Variants in PCDHGA1 observed in about 807,000 individuals in gnomAD.
PCDHGA1 encodes the protein protocadherin gamma subfamily A, 1.
In PCDHGA1, 32 loss-of-function variants were observed where a neutral mutation model predicts 58.0. That is an observed-to-expected ratio of 0.55 (90% CI 0.42 to 0.74). The LOEUF is 0.74. PCDHGA1 is among the 30% of genes least tolerant of loss of function. PCDHGA1 has a pLI of 0.00. For synonymous variants in PCDHGA1, 498 were observed against 501.1 expected, an observed-to-expected ratio of 0.99 and a Z score of 0.08; for missense variants, 1,205 against 1,182.3, an observed-to-expected ratio of 1.02 and a Z score of -0.28.
chr5:141,493,204 C>T lies in PCDHGA1; in HGVS notation c.2422-1603C>T, dbSNP rs2099746929. Among the ~76,000 whole-genome samples, 1 of 152,216 alleles carries T rather than the reference C, an allele frequency of 6.6e-6. No individual in the cohort carries two copies. Among genetic ancestry groups the T allele is most frequent in the Non-Finnish European group, 1.5e-5 (1 of 68,042 alleles). Reference sequence around the variant, plus strand: ...TATATAACTCCTTTGAGAACCTCATCTCATTTGCTCTTCCCACCATTGCTG... The same window carrying T: ...TATATAACTCCTTTGAGAACCTCATTTCATTTGCTCTTCCCACCATTGCTG... On this transcript the variant is annotated intron_variant, in intron 1 of 3. Transcript: ENST00000517417. This position sits in a 1 kb window ranked among gnomAD's most constrained non-coding sequence, Gnocchi z 4.3.
Position 141,331,136 on chromosome 5 carries a change from G to C in PCDHGA1, c.452G>C (p.Arg151Thr). The C allele has an allele frequency of 6.2e-7, 1 of 1,614,152 alleles. No homozygotes were observed. ...AATGAAATAACGACTCCAGGTACCAGAGTCTCATTGCCTTTTGGGCAAGAC... is the reference window on the plus strand; with the variant it reads ...AATGAAATAACGACTCCAGGTACCACAGTCTCATTGCCTTTTGGGCAAGAC... Reference protein sequence around the residue: ...KMNEITTPGTRVSLPFGQDLD... With the variant: ...KMNEITTPGTTVSLPFGQDLD... Residue 151 changes from arginine (R) to threonine (T), a missense_variant, in exon 1 of 4, where the codon AGA becomes ACA. Arg to Thr is a moderately conservative substitution (Grantham distance 71, BLOSUM62 -1). Coordinates refer to ENST00000517417, the MANE Select transcript of PCDHGA1 (RefSeq NM_018912.3).
intron 1 of PCDHGA1, among the ~76,000 whole-genome samples, chr5:141,474,432 C>T (rs1050895539): frequency 6.6e-6 from 1 of 152,214 alleles, no homozygotes; most frequent in Non-Finnish European, 1.5e-5. Context: ...GGTCCTCACA[C>T]TTTGAGTAGC....
chr5:141,444,093 G>A (rs531514787), intron 1 of PCDHGA1, among the ~76,000 whole-genome samples: 1 of 147,730 alleles, frequency 6.8e-6, no homozygotes, highest in East Asian at 2.0e-4. Flanking sequence ...GTCTGCTAAG[G>A]ATTGGAAACC....
Position 141,346,081 on chromosome 5 carries a change from A to T in PCDHGA1, c.2421+12976A>T, listed in dbSNP as rs200571439. 3,022 of 1,613,430 alleles carry T rather than the reference A, an allele frequency of 1.9e-3. 45 individuals are homozygous for T. In the African/African-American group the frequency reaches 0.031, roughly 17 times the overall value. Reference sequence around the variant, plus strand: ...CTGGGCAGCCTCGAGCCCTCCGCCAAACCCAACGATTCGGACCTCACTCTG... The same window carrying T: ...CTGGGCAGCCTCGAGCCCTCCGCCATACCCAACGATTCGGACCTCACTCTG... On this transcript the variant is annotated intron_variant, in intron 1 of 3. Coordinates refer to ENST00000517417, the MANE Select transcript of PCDHGA1 (RefSeq NM_018912.3).
At chr5:141,403,276 C>G in intron 1 of PCDHGA1, 7 of 1,613,844 alleles carry the variant, frequency 4.3e-6, no homozygotes, top group Non-Finnish European at 5.1e-6. Context: ...ACTTTAAAGT[C>G]CTGGTTGAAG....
At chr5:141,387,714 A>G in intron 1 of PCDHGA1, 1 of 1,059,158 alleles carries the variant, frequency 9.4e-7, no homozygotes, top group East Asian at 2.6e-5. Context: ...GCCCCAGCTC[A>G]GACTCCCCAG....
chr5:141,438,623 TATATATATATATACAC>T (rs1207200307), intron 1 of PCDHGA1, among the ~76,000 whole-genome samples: 21 of 42,842 alleles, frequency 4.9e-4, no homozygotes, highest in South Asian at 2.6e-3. Flanking sequence ...TATATATATA[TATATATATATATACAC>T]ACACACACAC....
intron 1 of PCDHGA1, chr5:141,375,049 G>C (rs1176998287): frequency 1.2e-6 from 2 of 1,614,010 alleles, no homozygotes; most frequent in Non-Finnish European, 1.7e-6. Context: ...TTGAAGCCCG[G>C]GATGGGCCAG....
chr5:141,478,418 C>T, intron 1 of PCDHGA1: 1 of 1,613,650 alleles, frequency 6.2e-7, no homozygotes, highest in Non-Finnish European at 8.5e-7. Context: ...GGACTCCCGC[C>T]GCAGCGACCC....
chr5:141,431,603 C>T lies in PCDHGA1; in HGVS notation c.2422-63204C>T, dbSNP rs746243366. On this transcript the variant is annotated intron_variant, in intron 1 of 3. Coordinates refer to ENST00000517417, the MANE Select transcript of PCDHGA1 (RefSeq NM_018912.3). This position sits in a 1 kb window ranked among gnomAD's most constrained non-coding sequence, Gnocchi z 4.8. ...CAATGCGGAAGTGAGGTATTCCTTC[C>T]GGTATGTGGACGACAAGGCGGCCCA... is the stretch of plus-strand genomic sequence containing the variant. 1.1e-5 allele frequency: 17 copies of T among 1,614,212 alleles called. No individual in the cohort carries two copies. Among genetic ancestry groups the T allele is most frequent in the Non-Finnish European group, 1.4e-5 (16 of 1,180,044 alleles).
chr5:141,411,743 G>A (rs2095510866), intron 1 of PCDHGA1: 2 of 152,860 alleles, frequency 1.3e-5, no homozygotes, highest in Non-Finnish European at 2.9e-5. Flanking sequence ...TTAGCAGGGT[G>A]TGGTGGCACA....
chr5:141,490,380 T>C lies in PCDHGA1; in HGVS notation c.2422-4427T>C, dbSNP rs1246254637. 1 of 1,614,204 alleles carries C rather than the reference T, an allele frequency of 6.2e-7. No individual in the cohort carries two copies. ...TTAATGTGCGAGACCGGGACTCAGGTAGAAATGGTGAAGTGAGCCTTGATA... is the reference window on the plus strand; with the variant it reads ...TTAATGTGCGAGACCGGGACTCAGGCAGAAATGGTGAAGTGAGCCTTGATA... On this transcript the variant is annotated intron_variant, in intron 1 of 3. Coordinates refer to ENST00000517417, the MANE Select transcript of PCDHGA1 (RefSeq NM_018912.3). This position sits in a 1 kb window ranked among gnomAD's most constrained non-coding sequence, Gnocchi z 5.4.
intron 1 of PCDHGA1, chr5:141,390,735 C>T (rs1453703867): frequency 5.3e-6 from 1 of 189,140 alleles, no homozygotes; most frequent in Non-Finnish European, 1.1e-5. Context: ...CTGGTATGGT[C>T]TCCATAGTAG....
At chr5:141,358,884 G>A (rs961371418) in intron 1 of PCDHGA1, among the ~76,000 whole-genome samples, 5 of 152,090 alleles carry the variant, frequency 3.3e-5, no homozygotes, top group Admixed American at 3.3e-4. Flanking sequence ...TGTGGCTCTG[G>A]GATTATTTTA....
intron 1 of PCDHGA1, chr5:141,410,849 CTTTTTTTTTTTTTT>C (rs759346998): frequency 7.7e-6 from 1 of 129,786 alleles, no homozygotes; most frequent in African/African-American, 6.0e-5. Context: ...TTGTCTTTGT[CTTTTTTTTTTTTTT>C]TTTTTTTTGA....
chr5:141,397,602 G>T (rs2150712888), intron 1 of PCDHGA1, among the ~76,000 whole-genome samples: 1 of 152,296 alleles, frequency 6.6e-6, no homozygotes, highest in African/African-American at 2.4e-5. Flanking sequence ...TATTGCCAGT[G>T]ACAAGGGCAA....
In PCDHGA1 at chr5:141,365,685, TC is replaced by T. The variant is rs770206035; in HGVS notation, c.2421+32583del. 2.5e-6 allele frequency: 4 copies of T among 1,613,270 alleles called. No homozygotes were observed. The South Asian group carries it at 4.4e-5, about 18-fold the overall frequency. On this transcript the variant is annotated intron_variant, in intron 1 of 3. Coordinates refer to ENST00000517417, the MANE Select transcript of PCDHGA1 (RefSeq NM_018912.3). The stretch of plus-strand genomic sequence containing the variant: ...GACGTTAATGACAACCCACCCAATT[TC>T]CCTCAAGCCTCCTACTCCACCTCTG...
chr5:141,482,429 A>G (rs955366858), intron 1 of PCDHGA1, among the ~76,000 whole-genome samples: 1 of 151,366 alleles, frequency 6.6e-6, no homozygotes, highest in African/African-American at 2.4e-5. Flanking sequence ...AAAAATGATA[A>G]TACTGATATT....
At chr5:141,362,219 C>T (rs368538544) in intron 1 of PCDHGA1, 249 of 1,613,916 alleles carry the variant, frequency 1.5e-4, no homozygotes, top group Non-Finnish European at 1.9e-4. Flanking sequence ...CTGGTTGTGG[C>T]CTTGGCCTTG....
Sources: gnomAD v4.1 joint callset for allele counts (sites outside exome capture counted in the v4.1 genomes callset) on GRCh38, gnomAD v4.1.1 for gene constraint, Gnocchi (gnomAD v3.1) non-coding constraint, MANE v1.5 for transcripts, NCBI Gene and HGNC (gene_info 2026-07-23, HGNC 2026-07-21) for gene names.